Variants in FBLN1 observed in about 807,000 individuals in gnomAD.
The protein encoded by FBLN1 is fibulin-1.
A neutral mutation model predicts 89.7 loss-of-function variants in FBLN1; 34 were observed. The ratio of observed to expected loss-of-function variants is 0.38; its 90% confidence interval spans 0.29 to 0.50. FBLN1 has a LOEUF of 0.50. Among genes scored for constraint, FBLN1 ranks in the 20% least tolerant of loss-of-function variants. FBLN1 has a pLI of 0.92. For missense variants in FBLN1, 777 were observed against 988.1 expected, an observed-to-expected ratio of 0.79 and a Z score of 2.86; for synonymous variants, 393 against 391.3, an observed-to-expected ratio of 1.00 and a Z score of -0.05.
intron 14 of FBLN1, among the ~76,000 whole-genome samples, chr22:45,568,492 T>C (rs2088918584): frequency 7.0e-6 from 1 of 143,848 alleles, no homozygotes; most frequent in Non-Finnish European, 1.6e-5. Context: ...GGAATGCCTC[T>C]TCTGTAGGGG....
chr22:45,519,944 T>C (rs2096946911), intron 2 of FBLN1, among the ~76,000 whole-genome samples: 1 of 151,998 alleles, frequency 6.6e-6, no homozygotes, highest in African/African-American at 2.4e-5. Context: ...CCAAGGCGGG[T>C]GGATCACCTG....
chr22:45,506,320 A>G (rs1278538467), intron 1 of FBLN1, among the ~76,000 whole-genome samples: 4 of 152,238 alleles, frequency 2.6e-5, no homozygotes, highest in Non-Finnish European at 5.9e-5. Context: ...CCATGGGGCT[A>G]TAGGACTGGT....
chr22:45,516,526 G>T (rs1180120739), intron 1 of FBLN1, among the ~76,000 whole-genome samples: 2 of 152,238 alleles, frequency 1.3e-5, no homozygotes, highest in Non-Finnish European at 2.9e-5. Flanking sequence ...TGATAACACG[G>T]TTGTCACTCC....
At chr22:45,533,337 T>C (rs1029805887) in intron 6 of FBLN1, among the ~76,000 whole-genome samples, 173 bp downstream of exon 6, 1 of 152,220 alleles carries the variant, frequency 6.6e-6, no homozygotes, top group African/African-American at 2.4e-5. Flanking sequence ...CAGAGGCCCC[T>C]GCCGAGACTT....
chr22:45,572,238 A>G lies in FBLN1; in HGVS notation c.1698-2273A>G, dbSNP rs1273840426. 6.6e-6 allele frequency among the ~76,000 whole-genome samples: 1 copy of G among 152,204 alleles called. No individual in the cohort carries two copies. The highest frequency in any genetic ancestry group is 1.5e-5 in the Non-Finnish European group (1 of 68,030). On this transcript the variant is annotated intron_variant, in intron 14 of 16. Coordinates refer to ENST00000327858, the MANE Select transcript of FBLN1 (RefSeq NM_006486.3). The surrounding 1 kb of genome is among the most constrained non-coding windows in gnomAD (Gnocchi z 5.8). ...TCTTGGGCAGTAAAAGTGTAAAATG[A>G]GGCTGGATCATCTCGTCACATCAGA...
At chr22:45,598,644 C>T (rs2089206121) in intron 16 of FBLN1, among the ~76,000 whole-genome samples, 1 of 152,190 alleles carries the variant, frequency 6.6e-6, no homozygotes. Flanking sequence ...TGGTGCATAC[C>T]TTTCATCCTA....
intron 14 of FBLN1, among the ~76,000 whole-genome samples, chr22:45,568,678 T>TCAGCCCCTGGTGGTTTGTTGGTGA (rs1569260333): frequency 1.9e-5 from 1 of 53,946 alleles, no homozygotes; most frequent in Non-Finnish European, 3.9e-5. Context: ...GGAATGCCTC[T>TCAGCCCCTGGTGGTTTGTTGGTGA]TCTGTAGGGG....
chr22:45,527,793 CCCGCTGGG>C, intron 3 of FBLN1, 46 bp from the exon 4 acceptor site: 1 of 1,606,920 alleles, frequency 6.2e-7, no homozygotes, highest in South Asian at 1.1e-5. Context: ...TCTCGTGGAC[CCCGCTGGG>C]CTGTCTGCCC....
intron 11 of FBLN1, 124 bp from the exon 12 acceptor site, chr22:45,546,961 G>T (rs990561445): frequency 6.7e-7 from 1 of 1,489,526 alleles, no homozygotes; most frequent in African/African-American, 1.4e-5. Flanking sequence ...CGGGACCTCT[G>T]TCTCTCCGAG....
chr22:45,567,737 A>G (rs112249296), intron 14 of FBLN1, among the ~76,000 whole-genome samples: 1 of 152,172 alleles, frequency 6.6e-6, no homozygotes, highest in Non-Finnish European at 1.5e-5. Context: ...AAATGTTTCC[A>G]TGGAAAACAT....
At chr22:45,514,020 T>A (rs1321577684) in intron 1 of FBLN1, among the ~76,000 whole-genome samples, 1 of 152,112 alleles carries the variant, frequency 6.6e-6, no homozygotes, top group African/African-American at 2.4e-5. Context: ...CTCGAACTCC[T>A]GACCTCATGA....
rs12170226 is a variant in FBLN1 at position 45,533,559 on chromosome 22, A to G, written c.647-202A>G. On this transcript the variant is annotated intron_variant, in intron 6 of 16. Coordinates refer to ENST00000327858, the MANE Select transcript of FBLN1 (RefSeq NM_006486.3). ...ACTACAGTCTCAGAAAAAGCAGTAG[A>G]TATGAACGTTAGCAGGGGAGAGAAA... Among the ~76,000 whole-genome samples, 1,476 of 152,306 alleles carry G rather than the reference A, an allele frequency of 9.7e-3. 31 individuals carry two copies. The highest frequency in any genetic ancestry group is 0.034 in the African/African-American group (1,417 of 41,556).
intron 2 of FBLN1, among the ~76,000 whole-genome samples, chr22:45,524,910 C>T (rs1200476126): frequency 6.6e-6 from 1 of 152,090 alleles, no homozygotes; most frequent in East Asian, 1.9e-4. Context: ...CACAGTGAAA[C>T]CCCGTCTCTA....
At chr22:45,560,232 T>G (rs2088835497) in intron 14 of FBLN1, among the ~76,000 whole-genome samples, 1 of 152,228 alleles carries the variant, frequency 6.6e-6, no homozygotes, top group African/African-American at 2.4e-5. Context: ...ATCCAATTAT[T>G]TCCATTGTAT....
At chr22:45,564,154 T>G (rs567546732) in intron 14 of FBLN1, among the ~76,000 whole-genome samples, 2 of 152,278 alleles carry the variant, frequency 1.3e-5, no homozygotes, top group East Asian at 3.9e-4. Context: ...ATCTGGCTGT[T>G]GCGTTCTGCC....
chr22:45,559,365 C>T (rs1293055462), intron 14 of FBLN1, among the ~76,000 whole-genome samples: 2 of 152,154 alleles, frequency 1.3e-5, no homozygotes, highest in Admixed American at 6.5e-5. Flanking sequence ...ATCACCACCC[C>T]GCGTCTCAAG....
At chr22:45,591,846 A>C (rs12160630) in intron 16 of FBLN1, among the ~76,000 whole-genome samples, 1 of 40,664 alleles carries the variant, frequency 2.5e-5, no homozygotes, top group Non-Finnish European at 4.2e-5. Context: ...AGACAGGAGG[A>C]AGGAAGTGTC....
chr22:45,515,430 A>G (rs993143460), intron 1 of FBLN1, among the ~76,000 whole-genome samples: 2 of 152,194 alleles, frequency 1.3e-5, no homozygotes, highest in Non-Finnish European at 2.9e-5. Context: ...CCGGAAGACC[A>G]AAGGACTTCA....
In FBLN1 at chr22:45,518,726, C is replaced by T. The variant is rs774669995; in HGVS notation, c.124C>T (p.Arg42Trp). 1.4e-5 allele frequency: 22 copies of T among 1,611,918 alleles called. No homozygotes were observed. Among genetic ancestry groups the T allele is most frequent in the African/African-American group, 4.0e-5 (3 of 74,894 alleles). The change falls in exon 2 of 17, where the codon CGG becomes TGG. Residue 42 changes from arginine to tryptophan, a missense_variant. Coordinates refer to ENST00000327858, the MANE Select transcript of FBLN1 (RefSeq NM_006486.3). ...LLEACCADGH[R>W]MATHQKDCSL... ...GGAGGCCTGCTGTGCGGACGGACAC[C>T]GGATGGCCACTCATCAGAAGGACTG...
Sources: gnomAD v4.1 joint callset for allele counts (sites outside exome capture counted in the v4.1 genomes callset) on GRCh38, gnomAD v4.1.1 for gene constraint, Gnocchi (gnomAD v3.1) non-coding constraint, MANE v1.5 for transcripts, NCBI Gene and HGNC (gene_info 2026-07-23, HGNC 2026-07-21) for gene names.